Variants in ADD3 observed in about 807,000 individuals in gnomAD.
ADD3 encodes gamma-adducin.
A neutral mutation model predicts 80.2 loss-of-function variants in ADD3; 25 were observed. The observed-to-expected ratio is 0.31, with a 90% CI of 0.23 to 0.44. ADD3 has a LOEUF of 0.44. Among genes scored for constraint, ADD3 ranks in the 20% least tolerant of loss-of-function variants. The pLI, the probability that ADD3 is intolerant of heterozygous loss-of-function variation, is 1.00. For synonymous variants in ADD3, 284 were observed against 289.6 expected (o/e 0.98, Z 0.20); for missense variants, 829 against 847.5 (o/e 0.98, Z 0.27).
At chr10:110,118,829 A>G (rs1036004930) in intron 6 of ADD3, 93 bp downstream of exon 6, 18 of 1,286,282 alleles carry the variant, frequency 1.4e-5, no homozygotes, top group East Asian at 7.5e-5. Context: ...CTGCTTTTCA[A>G]AATCATATTT....
rs1368865434 is a variant in ADD3 at position 110,124,173 on chromosome 10, C to T, written c.1300C>T (p.Arg434Cys). The T allele has an allele frequency of 1.4e-5, 22 of 1,613,988 alleles. No homozygotes were observed. The highest frequency in any genetic ancestry group is 2.7e-5 in the African/African-American group (2 of 74,902). Reference protein sequence around the residue: ...PLKYMAQRQQREKTRWLNSPN... With the variant: ...PLKYMAQRQQCEKTRWLNSPN... ...CAAATACATGGCACAGAGGCAACAGCGTGAAAAAACAAGATGGCTGAACTC... is the reference window on the plus strand; with the variant it reads ...CAAATACATGGCACAGAGGCAACAGTGTGAAAAAACAAGATGGCTGAACTC... Residue 434 changes from arginine (R) to cysteine (C), a missense_variant, in exon 10 of 15, where the codon CGT (arginine) becomes TGT (cysteine). Coordinates refer to ENST00000356080, the MANE Select transcript of ADD3 (RefSeq NM_016824.5).
chr10:110,034,428 ATT>A (rs1177331957), intron 1 of ADD3, among the ~76,000 whole-genome samples: 3 of 151,576 alleles, frequency 2.0e-5, no homozygotes, highest in Non-Finnish European at 4.4e-5. Flanking sequence ...TTTAGCAAGT[ATT>A]TTATAATTTA....
At chr10:110,077,915 T>C (rs537972490) in intron 1 of ADD3, among the ~76,000 whole-genome samples, 2 of 152,326 alleles carry the variant, frequency 1.3e-5, no homozygotes, top group East Asian at 3.9e-4. Context: ...CTGTGCTTTG[T>C]GTTATCTATA....
chr10:110,071,464 TG>T (rs1844702630), intron 1 of ADD3, among the ~76,000 whole-genome samples: 1 of 152,262 alleles, frequency 6.6e-6, no homozygotes. Context: ...AAATTGCATG[TG>T]TCATGAATAT....
intron 1 of ADD3, among the ~76,000 whole-genome samples, chr10:110,091,746 T>G (rs1847542079): frequency 6.6e-6 from 1 of 151,992 alleles, no homozygotes; most frequent in South Asian, 2.1e-4. Context: ...AAAAATAAAC[T>G]AGTATGACAT....
In ADD3 at chr10:110,068,067, C is replaced by T. The variant is rs113087420; in HGVS notation, c.-29-32558C>T. On this transcript the variant is annotated intron_variant, in intron 1 of 14. Coordinates refer to ENST00000356080, the MANE Select transcript of ADD3 (RefSeq NM_016824.5). Reference sequence around the variant, plus strand: ...AATTGTTCACTTGCTCAGTGTTCCACCCCCTTGAAATAAGCCACATAGCTC... The same window carrying T: ...AATTGTTCACTTGCTCAGTGTTCCATCCCCTTGAAATAAGCCACATAGCTC... Among the ~76,000 whole-genome samples, 990 of 152,284 alleles carry T rather than the reference C, an allele frequency of 6.5e-3. 4 individuals carry two copies. The highest frequency in any genetic ancestry group is 0.011 in the Admixed American group (161 of 15,300).
chr10:110,041,828 T>G (rs1856402603), intron 1 of ADD3, among the ~76,000 whole-genome samples: 1 of 152,192 alleles, frequency 6.6e-6, no homozygotes, highest in Non-Finnish European at 1.5e-5. Flanking sequence ...AACAAAATCA[T>G]TACTTAAAAC....
chr10:110,045,160 C>A (rs1237426827), intron 1 of ADD3, among the ~76,000 whole-genome samples: 1 of 152,178 alleles, frequency 6.6e-6, no homozygotes, highest in Non-Finnish European at 1.5e-5. Flanking sequence ...TCAAGACCAG[C>A]CTGGCCAACA....
At chr10:110,077,396 C>T (rs1273883339) in intron 1 of ADD3, among the ~76,000 whole-genome samples, 2 of 151,942 alleles carry the variant, frequency 1.3e-5, no homozygotes, top group African/African-American at 2.4e-5. Context: ...TAGTATTCTC[C>T]CAAATGTGCT....
At chr10:110,132,522 A>T (rs916041517) in intron 14 of ADD3, 122 bp downstream of exon 14, 2 of 599,786 alleles carry the variant, frequency 3.3e-6, no homozygotes, top group Admixed American at 3.2e-5. Flanking sequence ...TATTTTACTT[A>T]TATCTCCCAA....
rs1247388710 is a variant in ADD3 at position 110,052,983 on chromosome 10, G to A, written c.-30+44684G>A. ...CCTTGAAGAGTTTGTCCTGAGGTGG[G>A]CAAAATACCTGGTTTAGAAAATGGA... On this transcript the variant is annotated intron_variant, in intron 1 of 14. Transcript: ENST00000356080. 3.9e-5 allele frequency among the ~76,000 whole-genome samples: 6 copies of A among 152,134 alleles called. No homozygotes were observed. The East Asian group carries it at 1.2e-3, about 29-fold the overall frequency.
At chr10:110,090,985 T>G (rs994746785) in intron 1 of ADD3, among the ~76,000 whole-genome samples, 1 of 152,152 alleles carries the variant, frequency 6.6e-6, no homozygotes, top group Admixed American at 6.5e-5. Flanking sequence ...AACAAGTCAT[T>G]TCAAAAGAAC....
At chr10:110,124,400 T>C in intron 10 of ADD3, 126 bp downstream of exon 10, 1 of 1,154,152 alleles carries the variant, frequency 8.7e-7, no homozygotes, top group Non-Finnish European at 1.2e-6. Context: ...GTCACTTATC[T>C]GGCTTTAACT....
At chr10:110,056,076 A>G (rs150693417) in intron 1 of ADD3, among the ~76,000 whole-genome samples, 36 of 152,316 alleles carry the variant, frequency 2.4e-4, no homozygotes, top group African/African-American at 7.7e-4. Flanking sequence ...GCAGATTTTT[A>G]TAAGTCAGCA....
intron 1 of ADD3, among the ~76,000 whole-genome samples, chr10:110,040,099 G>GGA (rs1376878158): frequency 1.3e-5 from 2 of 152,208 alleles, no homozygotes; most frequent in African/African-American, 4.8e-5. Flanking sequence ...AATACCAGGA[G>GGA]GATGGGATGG....
intron 2 of ADD3, among the ~76,000 whole-genome samples, chr10:110,109,275 G>T (rs1173544978): frequency 2.0e-5 from 3 of 151,962 alleles, no homozygotes; most frequent in African/African-American, 7.3e-5. Flanking sequence ...TGAGCAAGCT[G>T]TCTTAATTCA....
chr10:110,072,239 T>A (rs1441204612), intron 1 of ADD3, among the ~76,000 whole-genome samples: 1 of 151,616 alleles, frequency 6.6e-6, no homozygotes, highest in Non-Finnish European at 1.5e-5. Context: ...TTTTTTTGTA[T>A]TTTTTTTAGT....
intron 1 of ADD3, among the ~76,000 whole-genome samples, chr10:110,092,029 C>T (rs1218827118): frequency 6.6e-6 from 1 of 152,180 alleles, no homozygotes; most frequent in African/African-American, 2.4e-5. Flanking sequence ...ATCAAAACCA[C>T]AGGGAGATAC....
At chr10:110,026,658 A>G (rs1228540557) in intron 1 of ADD3, among the ~76,000 whole-genome samples, 4 of 152,104 alleles carry the variant, frequency 2.6e-5, no homozygotes, top group Non-Finnish European at 5.9e-5. Context: ...TTAATGTTTT[A>G]CATTGGTTTA....
Sources: gnomAD v4.1 joint callset for allele counts (sites outside exome capture counted in the v4.1 genomes callset) on GRCh38, gnomAD v4.1.1 for gene constraint, MANE v1.5 for transcripts, NCBI Gene and HGNC (gene_info 2026-07-23, HGNC 2026-07-21) for gene names.